Variants in CNTNAP5 observed in about 807,000 individuals in gnomAD.
The protein encoded by CNTNAP5 is contactin-associated protein-like 5.
CNTNAP5 carries 72 observed loss-of-function variants against 150.2 expected under a neutral mutation model. The observed-to-expected ratio is 0.48, with a 90% CI of 0.40 to 0.58. CNTNAP5 has a LOEUF of 0.58. Among genes scored for constraint, CNTNAP5 ranks in the 20% least tolerant of loss-of-function variants. CNTNAP5 has a pLI of 0.00. For synonymous variants in CNTNAP5, 672 were observed against 619.8 expected, an observed-to-expected ratio of 1.08 and a Z score of -1.25; for missense variants, 1,636 against 1,626.2, an observed-to-expected ratio of 1.01 and a Z score of -0.10.
intron 1 of CNTNAP5, among the ~76,000 whole-genome samples, chr2:124,199,235 G>T (rs1471986713): frequency 2.6e-5 from 4 of 152,052 alleles, no homozygotes; most frequent in African/African-American, 7.2e-5. Context: ...CTGAGATGGG[G>T]TGTGGATTGA....
intron 1 of CNTNAP5, among the ~76,000 whole-genome samples, chr2:124,192,049 T>A (rs1685470901): frequency 6.6e-6 from 1 of 152,232 alleles, no homozygotes; most frequent in African/African-American, 2.4e-5. Context: ...TGTTCTTTCA[T>A]TCCCATGAAA....
chr2:124,477,656 AT>A (rs34441550), intron 7 of CNTNAP5, among the ~76,000 whole-genome samples: 96,472 of 127,502 alleles, frequency 0.76, 36,296 homozygotes, highest in East Asian at 0.83. Context: ...TGCTCATGAC[AT>A]TTTTTTTTTT....
At chr2:124,759,369 ATATT>A (rs1393984554) in intron 14 of CNTNAP5, among the ~76,000 whole-genome samples, 1 of 146,908 alleles carries the variant, frequency 6.8e-6, no homozygotes, top group Non-Finnish European at 1.5e-5. Context: ...TTCATTATAT[ATATT>A]TATTATATAT....
intron 6 of CNTNAP5, among the ~76,000 whole-genome samples, chr2:124,473,841 T>G (rs1263756664): frequency 1.3e-5 from 2 of 151,956 alleles, no homozygotes; most frequent in East Asian, 3.9e-4. Flanking sequence ...AAATAATATA[T>G]CTATTAAAAA....
At chr2:124,691,928 A>G (rs140616968) in intron 13 of CNTNAP5, among the ~76,000 whole-genome samples, 158 of 152,208 alleles carry the variant, frequency 1.0e-3, no homozygotes, top group Non-Finnish European at 1.7e-3. Context: ...CCTTGCCACT[A>G]TGATTTGCTT....
At chr2:124,297,159 T>G (rs1420948534) in intron 3 of CNTNAP5, among the ~76,000 whole-genome samples, 1 of 152,228 alleles carries the variant, frequency 6.6e-6, no homozygotes, top group Admixed American at 6.5e-5. Flanking sequence ...CAAGGAATAT[T>G]TTAAGCACCA....
intron 10 of CNTNAP5, among the ~76,000 whole-genome samples, chr2:124,547,965 G>T (rs10175329): frequency 6.6e-6 from 1 of 151,988 alleles, no homozygotes; most frequent in Non-Finnish European, 1.5e-5. Context: ...TTGCATCTTC[G>T]AGCCCATGTC....
intron 1 of CNTNAP5, among the ~76,000 whole-genome samples, chr2:124,202,649 C>T (rs1346473696): frequency 1.3e-5 from 2 of 152,156 alleles, no homozygotes; most frequent in African/African-American, 2.4e-5. Flanking sequence ...GGCTGGGAAG[C>T]CATCACGATC....
At chr2:124,502,722 C>T (rs1172352095) in intron 7 of CNTNAP5, among the ~76,000 whole-genome samples, 1 of 152,056 alleles carries the variant, frequency 6.6e-6, no homozygotes, top group Non-Finnish European at 1.5e-5. Context: ...GGGAATTTAC[C>T]AGAGATCCAA....
chr2:124,347,494 T>C (rs980743675), intron 3 of CNTNAP5, among the ~76,000 whole-genome samples: 9 of 152,136 alleles, frequency 5.9e-5, no homozygotes, highest in Admixed American at 1.3e-4. Context: ...GGCGGGCAGA[T>C]TGAGCAGAAG....
chr2:124,589,905 G>T (rs1265291075), intron 11 of CNTNAP5, among the ~76,000 whole-genome samples: 3 of 152,174 alleles, frequency 2.0e-5, no homozygotes, highest in Non-Finnish European at 4.4e-5. Context: ...AAGTTCACAT[G>T]TTGAAAACTT....
intron 1 of CNTNAP5, among the ~76,000 whole-genome samples, chr2:124,123,480 G>T (rs918233028): frequency 2.0e-5 from 3 of 152,162 alleles, no homozygotes; most frequent in African/African-American, 7.2e-5. Flanking sequence ...TCTGGGGACA[G>T]GGCATAGTTG....
chr2:124,362,848 C>T (rs776939210), intron 3 of CNTNAP5, among the ~76,000 whole-genome samples: 4 of 152,146 alleles, frequency 2.6e-5, no homozygotes, highest in Non-Finnish European at 5.9e-5. Flanking sequence ...AATAAGTAAT[C>T]GACTACATTC....
chr2:124,276,055 T>C (rs1255666043), intron 3 of CNTNAP5, among the ~76,000 whole-genome samples: 1 of 152,192 alleles, frequency 6.6e-6, no homozygotes, highest in Non-Finnish European at 1.5e-5. Context: ...ATGAGATTTC[T>C]CAGAAATAAA....
intron 1 of CNTNAP5, among the ~76,000 whole-genome samples, chr2:124,052,951 A>C (rs1196770881): frequency 6.6e-6 from 1 of 152,026 alleles, no homozygotes; most frequent in Non-Finnish European, 1.5e-5. Flanking sequence ...ACTTCTATTT[A>C]TCCTTCAAGA....
chr2:124,771,690 A>T (rs1338803131), intron 16 of CNTNAP5, among the ~76,000 whole-genome samples: 1 of 151,362 alleles, frequency 6.6e-6, no homozygotes, highest in Non-Finnish European at 1.5e-5. Context: ...CACCACCACC[A>T]TCACTGGCGC....
chr2:124,193,497 A>G (rs779239315), intron 1 of CNTNAP5, among the ~76,000 whole-genome samples: 2 of 152,168 alleles, frequency 1.3e-5, no homozygotes, highest in Non-Finnish European at 2.9e-5. Flanking sequence ...AAATTGAGGG[A>G]AAGTCTGAAC....
intron 19 of CNTNAP5, among the ~76,000 whole-genome samples, chr2:124,811,603 AT>A (rs1370254873): frequency 2.6e-5 from 4 of 151,796 alleles, no homozygotes; most frequent in Admixed American, 2.6e-4. Context: ...TAGTTATTCA[AT>A]GAGTGAATGA....
At chr2:124,606,082 G>A (rs1279646910) in intron 11 of CNTNAP5, among the ~76,000 whole-genome samples, 1 of 151,942 alleles carries the variant, frequency 6.6e-6, no homozygotes, top group Non-Finnish European at 1.5e-5. Context: ...CAATTTATAT[G>A]TAGAAAACTA....
Sources: gnomAD v4.1 joint callset for allele counts (sites outside exome capture counted in the v4.1 genomes callset) on GRCh38, gnomAD v4.1.1 for gene constraint, MANE v1.5 for transcripts, NCBI Gene and HGNC (gene_info 2026-07-23, HGNC 2026-07-21) for gene names.